HELZ: variants seen among roughly 807,000 people sequenced by gnomAD.
HELZ encodes ATP-dependent RNA helicase with zinc finger domain.
HELZ carries 23 observed loss-of-function variants against 218.2 expected under a neutral mutation model. That is an observed-to-expected ratio of 0.11 (90% CI 0.08 to 0.15). The LOEUF (loss-of-function observed/expected upper bound fraction) is 0.15. Among genes scored for constraint, HELZ ranks in the 10% least tolerant of loss-of-function variants. HELZ has a pLI of 1.00. For missense variants in HELZ, 1,813 were observed against 2,353.7 expected (o/e 0.77, Z 4.75); for synonymous variants, 814 against 829.4 (o/e 0.98, Z 0.32).
chr17:67,126,960 G>A (rs1026542717), intron 24 of HELZ, among the ~76,000 whole-genome samples: 11 of 152,160 alleles, frequency 7.2e-5, no homozygotes, highest in African/African-American at 2.7e-4. Flanking sequence ...TTTTGTAAAA[G>A]CTCTCTTAAG....
intron 28 of HELZ, among the ~76,000 whole-genome samples, chr17:67,110,414 C>A (rs996108786): frequency 2.0e-5 from 3 of 152,070 alleles, no homozygotes; most frequent in African/African-American, 7.2e-5. Flanking sequence ...TCAAAAATAT[C>A]TATGTTAATA....
chr17:67,188,086 T>C lies in HELZ; in HGVS notation c.1162+233A>G, dbSNP rs1393034397. 2.2e-6 allele frequency: 1 copy of C among 457,810 alleles called. No individual in the cohort carries two copies. Among genetic ancestry groups the C allele is most frequent in the Non-Finnish European group, 3.9e-6 (1 of 256,412 alleles). 28.4% of individuals were successfully genotyped at this position (457,810 alleles called of 1,614,324 possible). ...CAAAACAGGTCTGATCATCTACTCA[T>C]ACAAGTTTGGGGAACCTCAAAGTTC... On this transcript the variant is annotated intron_variant, in intron 12 of 32. Transcript: ENST00000358691. The surrounding 1 kb of genome is among the most constrained non-coding windows in gnomAD (Gnocchi z 4.1).
At chr17:67,187,508 T>C (rs2039788173) in intron 12 of HELZ, among the ~76,000 whole-genome samples, 3 of 152,370 alleles carry the variant, frequency 2.0e-5, no homozygotes, top group East Asian at 1.9e-4. Flanking sequence ...TGGGACATTA[T>C]GGTACATAGT....
Position 67,218,775 on chromosome 17 carries a change from A to G in HELZ, c.30T>C (p.Cys10=). The change falls in exon 4 of 33, where the codon TGT becomes TGC. Residue 10 remains cysteine (C), a synonymous_variant. Coordinates refer to ENST00000358691, the MANE Select transcript of HELZ (RefSeq NM_014877.4). MEDRRAEKS[C]EQACESLKRQ... ...TCTTAAGTGATTCACATGCTTGTTC[A>G]CATGACTTTTCAGCTCTTCTGTCTT... 1 of 1,614,238 alleles carries G rather than the reference A, an allele frequency of 6.2e-7. No individual in the cohort carries two copies. The highest frequency in any genetic ancestry group is 8.5e-7 in the Non-Finnish European group (1 of 1,180,030).
intron 32 of HELZ, among the ~76,000 whole-genome samples, chr17:67,079,371 T>C (rs1401732224): frequency 6.6e-6 from 1 of 152,368 alleles, no homozygotes; most frequent in East Asian, 1.9e-4. Context: ...TGTTTTATTT[T>C]TCCCTAAGTA....
intron 5 of HELZ, 34 bp from the exon 6 acceptor site, chr17:67,203,477 G>T: frequency 1.2e-6 from 2 of 1,608,312 alleles, no homozygotes; most frequent in South Asian, 2.2e-5. Flanking sequence ...TTAACCATAT[G>T]ACATTTAATG....
At chr17:67,115,610 C>T (rs1567812892) in intron 27 of HELZ, among the ~76,000 whole-genome samples, 1 of 152,006 alleles carries the variant, frequency 6.6e-6, no homozygotes, top group African/African-American at 2.4e-5. Context: ...AGGATGGCAT[C>T]AGATTTCTCA....
intron 15 of HELZ, among the ~76,000 whole-genome samples, chr17:67,165,963 T>A (rs548492719): frequency 6.6e-6 from 1 of 152,054 alleles, no homozygotes; most frequent in Non-Finnish European, 1.5e-5. Context: ...AAGAACCTTG[T>A]CTACAAAAAA....
At chr17:67,157,387 T>A (rs1467016595) in intron 17 of HELZ, among the ~76,000 whole-genome samples, 1 of 152,218 alleles carries the variant, frequency 6.6e-6, no homozygotes, top group Non-Finnish European at 1.5e-5. Context: ...TTGAAGCTAG[T>A]AAGAATACAA....
At chr17:67,111,905 T>G (rs1040736420) in intron 28 of HELZ, among the ~76,000 whole-genome samples, 1 of 152,174 alleles carries the variant, frequency 6.6e-6, no homozygotes, top group Non-Finnish European at 1.5e-5. Context: ...TATGCATAGT[T>G]TGGTCACATG....
chr17:67,222,260 T>C (rs942322566), intron 3 of HELZ, among the ~76,000 whole-genome samples: 1 of 152,164 alleles, frequency 6.6e-6, no homozygotes, highest in Non-Finnish European at 1.5e-5. Context: ...TTTCTCCATC[T>C]CAATACACTG....
rs1419476324 is a variant in HELZ at position 67,211,806 on chromosome 17, A to G, written c.247+4093T>C. 3.3e-5 allele frequency among the ~76,000 whole-genome samples: 5 copies of G among 152,160 alleles called. No individual in the cohort carries two copies. In the East Asian group the frequency reaches 7.7e-4, roughly 23 times the overall value. On this transcript the variant is annotated intron_variant, in intron 5 of 32. Transcript: ENST00000358691. ...AGCCCGTAAGGCAGAGGTTGCAGTGAGCCAAGATTACGCCACTGCACTCCA... is the reference window on the plus strand; with the variant it reads ...AGCCCGTAAGGCAGAGGTTGCAGTGGGCCAAGATTACGCCACTGCACTCCA...
Position 67,220,849 on chromosome 17 carries a change from T to TCCC in HELZ, c.-18-2030_-18-2028dup, listed in dbSNP as rs574120008. On this transcript the variant is annotated intron_variant, in intron 3 of 32. Transcript: ENST00000358691. Reference sequence around the variant, plus strand: ...AATTTAATTGTGTTATTAAGATAACTCCCCCCCCCCCAAAAAAAAAGAGTA... The same window carrying TCCC: ...AATTTAATTGTGTTATTAAGATAACTCCCCCCCCCCCCCCAAAAAAAAAGAGTA... Among the ~76,000 whole-genome samples, 135 of 114,436 alleles carry TCCC rather than the reference T, an allele frequency of 1.2e-3. 1 individual carries two copies. Among genetic ancestry groups the TCCC allele is most frequent in the African/African-American group, 1.7e-3 (52 of 30,424 alleles). The allele number at this position is 114,436 out of a possible 152,430, so 75.1% of individuals were successfully genotyped here. A position where few individuals can be genotyped will look rare whatever the true frequency, so the allele number is the denominator to read the frequency against.
chr17:67,150,272 G>A (rs976188692), intron 18 of HELZ: 2 of 233,794 alleles, frequency 8.6e-6, no homozygotes, highest in Non-Finnish European at 1.6e-5. Flanking sequence ...TGAGACTACG[G>A]GCATATGCCA....
intron 22 of HELZ, 63 bp downstream of exon 22, chr17:67,137,868 C>T (rs1248142757): frequency 2.5e-6 from 3 of 1,200,582 alleles, no homozygotes; most frequent in Non-Finnish European, 3.4e-6. Context: ...ACTAAAAATC[C>T]AATGTGAACA....
chr17:67,197,139 A>G (rs867759077), intron 7 of HELZ, among the ~76,000 whole-genome samples: 15 of 152,132 alleles, frequency 9.9e-5, no homozygotes, highest in African/African-American at 3.4e-4. Flanking sequence ...CCAGTGGGAG[A>G]TAACTGAATC....
intron 3 of HELZ, 102 bp from the exon 4 acceptor site, chr17:67,218,924 C>A: frequency 1.3e-6 from 1 of 752,926 alleles, no homozygotes; most frequent in Admixed American, 2.4e-5. Context: ...TATCTGAATA[C>A]TCTCAGCTAG....
At chr17:67,177,681 G>A (rs867145012) in intron 13 of HELZ, among the ~76,000 whole-genome samples, 7 of 151,498 alleles carry the variant, frequency 4.6e-5, no homozygotes, top group Admixed American at 1.3e-4. Context: ...CCATCAATGG[G>A]CCAGGATTTA....
chr17:67,229,816 T>A (rs2040988419), intron 3 of HELZ, among the ~76,000 whole-genome samples: 1 of 152,224 alleles, frequency 6.6e-6, no homozygotes, highest in African/African-American at 2.4e-5. Context: ...CTGTACTTAA[T>A]ATTCAGCCAG....
Sources: gnomAD v4.1 joint callset for allele counts (sites outside exome capture counted in the v4.1 genomes callset) on GRCh38, gnomAD v4.1.1 for gene constraint, Gnocchi (gnomAD v3.1) non-coding constraint, MANE v1.5 for transcripts, NCBI Gene and HGNC (gene_info 2026-07-23, HGNC 2026-07-21) for gene names.